MYOM1: variants seen among roughly 807,000 people sequenced by gnomAD.
MYOM1 encodes myomesin 1, also known as myomesin-1.
In MYOM1, 164 loss-of-function variants were observed where a neutral mutation model predicts 205.3. That is an observed-to-expected ratio of 0.80 (90% CI 0.70 to 0.91). MYOM1 has a LOEUF of 0.91. MYOM1 is among the 40% of genes least tolerant of loss of function. The probability of loss-of-function intolerance (pLI) is 0.00; values close to 1 mark genes in which losing one functional copy is unlikely to be tolerated. For synonymous variants in MYOM1, 772 were observed against 789.4 expected (o/e 0.98, Z 0.37); for missense variants, 2,011 against 2,127.3 (o/e 0.95, Z 1.08).
At chr18:3,094,940 T>C (rs1191628347) in intron 25 of MYOM1, among the ~76,000 whole-genome samples, 2 of 152,176 alleles carry the variant, frequency 1.3e-5, no homozygotes, top group African/African-American at 4.8e-5. Flanking sequence ...ATTACAGGTG[T>C]GAGCCACCTC....
At chr18:3,133,469 A>G (rs1367880886) in intron 16 of MYOM1, among the ~76,000 whole-genome samples, 1 of 152,182 alleles carries the variant, frequency 6.6e-6, no homozygotes, top group African/African-American at 2.4e-5. Context: ...CCCTCTCCCC[A>G]TTAGAAACAA....
At chr18:3,197,743 G>C (rs1209757901) in intron 2 of MYOM1, among the ~76,000 whole-genome samples, 1 of 151,856 alleles carries the variant, frequency 6.6e-6, no homozygotes, top group Non-Finnish European at 1.5e-5. Context: ...CATGGTGGCA[G>C]GCGCCTGTGG....
chr18:3,186,867 GAAGGGA>G (rs1462181289), intron 5 of MYOM1, among the ~76,000 whole-genome samples: 1 of 145,460 alleles, frequency 6.9e-6, no homozygotes, highest in African/African-American at 2.6e-5. Context: ...AGGAAGGAAG[GAAGGGA>G]GAGAGAGAAA....
chr18:3,163,178 G>A (rs2080418908), intron 10 of MYOM1, among the ~76,000 whole-genome samples: 1 of 152,164 alleles, frequency 6.6e-6, no homozygotes. Context: ...TATGGGCCAA[G>A]GGACCTGAAA....
the MYOM1 span, among the ~76,000 whole-genome samples, chr18:3,241,180 G>A: frequency 2.9e-4 from 44 of 152,340 alleles, no homozygotes; most frequent in African/African-American, 9.6e-4. Flanking sequence ...AATAAGTAAC[G>A]AGGAGGTGAA....
chr18:3,162,061 T>A (rs932316634), intron 10 of MYOM1, among the ~76,000 whole-genome samples: 6 of 152,172 alleles, frequency 3.9e-5, no homozygotes, highest in African/African-American at 1.4e-4. Flanking sequence ...TGTTTATGAG[T>A]TTATGACTCT....
In MYOM1 at chr18:3,084,004, C is replaced by T. The variant is rs1567896434; in HGVS notation, c.4363G>A (p.Val1455Ile). The change falls in exon 32 of 38, where the codon GTA becomes ATA. Residue 1455 changes from valine (V) to isoleucine (I), a missense_variant. By Grantham distance (29) the Val-to-Ile change is conservative. Coordinates refer to ENST00000356443, the MANE Select transcript of MYOM1 (RefSeq NM_003803.4). ...DEAFKELMME[V>I]CKKIALSATD... is the part of the protein sequence containing the mutation. ...TTTGACTCACCTATTTTTTTGCATA[C>T]TTCCATCATCAGTTCCTTAAAGGCT... 1 of 1,586,406 alleles carries T rather than the reference C, an allele frequency of 6.3e-7. No homozygotes were observed. The highest frequency in any genetic ancestry group is 8.6e-7 in the Non-Finnish European group (1 of 1,164,808).
At position 3,149,197 on chromosome 18, in the gene MYOM1, G is replaced by A. The variant is rs751660744; in HGVS notation, c.1848C>T (p.Arg616=). 2 of 1,611,912 alleles carry A rather than the reference G, an allele frequency of 1.2e-6. No homozygotes were observed. Among genetic ancestry groups the A allele is most frequent in the Non-Finnish European group, 8.5e-7 (1 of 1,179,086 alleles). ...DPAEKARLKS[R]PSAPWTGQII... is the part of the protein sequence containing the mutation. Reference sequence around the variant, plus strand: ...TCTGTCCAGTCCAGGGTGCTGAGGGGCGACCTGAATAAAGACAAATATAAG... The same window carrying A: ...TCTGTCCAGTCCAGGGTGCTGAGGGACGACCTGAATAAAGACAAATATAAG... The change falls in exon 13 of 38, where the codon CGC becomes CGT. Residue 616 remains arginine (R), a synonymous_variant. Coordinates refer to ENST00000356443, the MANE Select transcript of MYOM1 (RefSeq NM_003803.4).
the MYOM1 span, chr18:3,245,946 C>T: frequency 6.6e-6 from 1 of 152,404 alleles, no homozygotes; most frequent in East Asian, 1.9e-4. Context: ...CCTCCCGCCC[C>T]CATCCCCAAG....
intron 27 of MYOM1, among the ~76,000 whole-genome samples, chr18:3,090,452 T>C (rs2079209342): frequency 6.6e-6 from 1 of 152,026 alleles, no homozygotes; most frequent in Non-Finnish European, 1.5e-5. Flanking sequence ...ACTCTTGACC[T>C]TAGGTGATCC....
At chr18:3,116,306 G>A (rs1170115601) in intron 21 of MYOM1, 25 bp downstream of exon 21, 4 of 1,604,496 alleles carry the variant, frequency 2.5e-6, no homozygotes, top group Non-Finnish European at 3.4e-6. Flanking sequence ...AGTAGAGGAA[G>A]CTCTAGAACT....
At chr18:3,086,173 CT>C (rs775250521) in intron 29 of MYOM1, 22 bp from the exon 30 acceptor site, 2 of 1,470,872 alleles carry the variant, frequency 1.4e-6, no homozygotes, top group Non-Finnish European at 9.3e-7. Flanking sequence ...ACCATAATTA[CT>C]TTTCTTAAAA....
chr18:3,164,951 CAAT>C (rs36098651), intron 9 of MYOM1, among the ~76,000 whole-genome samples: 81,647 of 151,678 alleles, frequency 0.54, 22,124 homozygotes, highest in East Asian at 0.72. Flanking sequence ...CATTTTAAAT[CAAT>C]ATAATCAAAA....
chr18:3,098,593 AT>A (rs1275264097), intron 25 of MYOM1, among the ~76,000 whole-genome samples: 2 of 152,040 alleles, frequency 1.3e-5, no homozygotes, highest in Non-Finnish European at 2.9e-5. Flanking sequence ...CAGCATTTCT[AT>A]ATGGGAGGTG....
Position 3,138,683 on chromosome 18 carries a change from T to C in MYOM1, c.2026-2953A>G, listed in dbSNP as rs79130997. 4.0e-3 allele frequency among the ~76,000 whole-genome samples: 605 copies of C among 152,308 alleles called. 2 individuals are homozygous for C. Among genetic ancestry groups the C allele is most frequent in the African/African-American group, 0.014 (575 of 41,580 alleles). ...AAATTCTTAAGCTGTTATCAGTTGTTTATACTCTCATAAAAAAATAGCTGC... is the reference window on the plus strand; with the variant it reads ...AAATTCTTAAGCTGTTATCAGTTGTCTATACTCTCATAAAAAAATAGCTGC... On this transcript the variant is annotated intron_variant, in intron 14 of 37. Coordinates refer to ENST00000356443, the MANE Select transcript of MYOM1 (RefSeq NM_003803.4).
intron 5 of MYOM1, among the ~76,000 whole-genome samples, chr18:3,185,687 T>G (rs2080799866): frequency 6.6e-6 from 1 of 152,226 alleles, no homozygotes; most frequent in Non-Finnish European, 1.5e-5. Context: ...AAATTGATTT[T>G]TTTAAACTTC....
At chr18:3,236,837 T>A in the MYOM1 span, among the ~76,000 whole-genome samples, 1 of 152,144 alleles carries the variant, frequency 6.6e-6, no homozygotes, top group Non-Finnish European at 1.5e-5. Context: ...AAGCACTGAA[T>A]CCTAGGCTAC....
chr18:3,114,769 C>T (rs1433944187), intron 21 of MYOM1, among the ~76,000 whole-genome samples: 1 of 151,934 alleles, frequency 6.6e-6, no homozygotes, highest in Non-Finnish European at 1.5e-5. Context: ...AGATTATTTT[C>T]ACTTTATAAA....
chr18:3,083,427 C>CTTTTTTTTTTTTTTTTTTTT (rs35959808), intron 33 of MYOM1, among the ~76,000 whole-genome samples: 90 of 98,546 alleles, frequency 9.1e-4, no homozygotes, highest in Middle Eastern at 7.7e-3. Context: ...TTTTCTTTTT[C>CTTTTTTTTTTTTTTTTTTTT]TTTTTTTTTT....
Sources: allele counts gnomAD v4.1 joint callset (sites outside exome capture counted in the v4.1 genomes callset), GRCh38; gene constraint gnomAD v4.1.1; transcripts MANE v1.5; gene names NCBI Gene and HGNC (gene_info 2026-07-23, HGNC 2026-07-21).